NOX4: variants seen among roughly 807,000 people sequenced by gnomAD.
The protein encoded by NOX4 is NADPH oxidase 4, also known as kidney oxidase-1.
A neutral mutation model predicts 87.6 loss-of-function variants in NOX4; 69 were observed. That is an observed-to-expected ratio of 0.79 (90% CI 0.65 to 0.96). The LOEUF is 0.96. Among genes scored for constraint, NOX4 ranks in the 40% least tolerant of loss-of-function variants. The pLI, the probability that NOX4 is intolerant of heterozygous loss-of-function variation, is 0.00. For missense variants in NOX4, 680 were observed against 681.5 expected, an observed-to-expected ratio of 1.00 and a Z score of 0.02; for synonymous variants, 275 against 238.2, an observed-to-expected ratio of 1.15 and a Z score of -1.42.
upstream of NOX4, among the ~76,000 whole-genome samples, chr11:89,496,262 C>T (rs867816872): frequency 3.9e-5 from 6 of 152,086 alleles, no homozygotes; most frequent in Non-Finnish European, 7.4e-5. Context: ...ATTCTGAAGA[C>T]ATTGGAGAGG....
intron 2 of NOX4, among the ~76,000 whole-genome samples, chr11:89,457,763 G>A (rs572969853): frequency 6.6e-6 from 1 of 151,984 alleles, no homozygotes; most frequent in South Asian, 2.1e-4. Context: ...CCCACCAACA[G>A]TGTTCAAGCT....
chr11:89,566,759 G>A, the NOX4 span, among the ~76,000 whole-genome samples: 1 of 152,146 alleles, frequency 6.6e-6, no homozygotes, highest in Admixed American at 6.5e-5. Flanking sequence ...GCTGAAGGGG[G>A]AGGAAGCTGG....
chr11:89,529,504 G>A, the NOX4 span, among the ~76,000 whole-genome samples: 753 of 152,186 alleles, frequency 4.9e-3, 3 homozygotes, highest in African/African-American at 0.01. Context: ...AAATACCTGG[G>A]AACAGATCCT....
chr11:89,457,246 C>G (rs1393861139), intron 2 of NOX4, among the ~76,000 whole-genome samples: 1 of 152,220 alleles, frequency 6.6e-6, no homozygotes, highest in Non-Finnish European at 1.5e-5. Flanking sequence ...GCAAACAGAG[C>G]TAACTGTCCA....
intron 11 of NOX4, among the ~76,000 whole-genome samples, chr11:89,381,316 G>A (rs178435): frequency 3.3e-5 from 5 of 152,016 alleles, no homozygotes; most frequent in Admixed American, 6.5e-5. Flanking sequence ...TCAGGCCTCC[G>A]AGCCCAAGCC....
chr11:89,445,130 G>A (rs978595628), intron 4 of NOX4, among the ~76,000 whole-genome samples: 8 of 152,002 alleles, frequency 5.3e-5, no homozygotes, highest in African/African-American at 1.7e-4. Flanking sequence ...TGCCTTTCAG[G>A]GGCCTTAATT....
rs1346405707 is a variant in NOX4 at position 89,417,474 on chromosome 11, A to G, written c.629+4428T>C. On this transcript the variant is annotated intron_variant, in intron 8 of 17. Coordinates refer to ENST00000263317, the MANE Select transcript of NOX4 (RefSeq NM_016931.5). ...GGTATATTAAAAATCAAAACAAAAA[A>G]TTCCTCAGGAGGAAGGCTTGTTTTG... Among the ~76,000 whole-genome samples, 5 of 152,270 alleles carry G rather than the reference A, an allele frequency of 3.3e-5. No homozygotes were observed. In the East Asian group the frequency reaches 9.7e-4, roughly 29 times the overall value.
At chr11:89,453,439 G>A (rs1179710699) in intron 2 of NOX4, among the ~76,000 whole-genome samples, 1 of 152,146 alleles carries the variant, frequency 6.6e-6, no homozygotes, top group Non-Finnish European at 1.5e-5. Flanking sequence ...CTTAGGAGGA[G>A]GATATATCCA....
chr11:89,582,154 C>T, the NOX4 span, among the ~76,000 whole-genome samples: 1 of 152,046 alleles, frequency 6.6e-6, no homozygotes, highest in Non-Finnish European at 1.5e-5. Flanking sequence ...TTAGAATGTC[C>T]TCTAGATTCA....
At chr11:89,343,785 A>G (rs565985826) in intron 13 of NOX4, among the ~76,000 whole-genome samples, 1 of 152,288 alleles carries the variant, frequency 6.6e-6, no homozygotes, top group Admixed American at 6.5e-5. Flanking sequence ...CATAGTAGAG[A>G]TGAAATCAAC....
chr11:89,464,742 A>C (rs76483944), intron 2 of NOX4, among the ~76,000 whole-genome samples: 3,339 of 152,290 alleles, frequency 0.022, 125 homozygotes, highest in African/African-American at 0.076. Flanking sequence ...GGTATCTAAG[A>C]TACATAATCA....
At chr11:89,543,417 T>C in the NOX4 span, among the ~76,000 whole-genome samples, 1 of 152,120 alleles carries the variant, frequency 6.6e-6, no homozygotes, top group African/African-American at 2.4e-5. Context: ...AACATGTTGA[T>C]TATATTTATC....
At chr11:89,452,872 G>C (rs75357239) in intron 2 of NOX4, among the ~76,000 whole-genome samples, 2 of 151,766 alleles carry the variant, frequency 1.3e-5, no homozygotes, top group African/African-American at 4.8e-5. Context: ...ATGCCATGTG[G>C]TGAGAATATT....
At chr11:89,394,113 T>G (rs888940476) in intron 11 of NOX4, among the ~76,000 whole-genome samples, 2 of 152,124 alleles carry the variant, frequency 1.3e-5, no homozygotes, top group African/African-American at 4.8e-5. Flanking sequence ...CTACTTCTTT[T>G]GTGTTTTCCC....
chr11:89,491,411 C>A (rs971342693), upstream of NOX4: 9 of 619,506 alleles, frequency 1.5e-5, no homozygotes, highest in Admixed American at 3.7e-5. Context: ...CCAGCCCGGG[C>A]GGGGTCTGCT....
the NOX4 span, among the ~76,000 whole-genome samples, chr11:89,562,389 C>T: frequency 6.6e-6 from 1 of 151,930 alleles, no homozygotes; most frequent in Admixed American, 6.6e-5. Flanking sequence ...TTTATCCTCT[C>T]CTCTCCCTTC....
At chr11:89,373,797 T>C (rs1189280922) in intron 11 of NOX4, among the ~76,000 whole-genome samples, 9 of 152,062 alleles carry the variant, frequency 5.9e-5, no homozygotes, top group Non-Finnish European at 1.2e-4. Context: ...TAAGTTAAAA[T>C]ATATATAAGA....
the NOX4 span, among the ~76,000 whole-genome samples, chr11:89,506,079 T>TGCA: frequency 6.6e-6 from 1 of 151,778 alleles, no homozygotes; most frequent in South Asian, 2.1e-4. Flanking sequence ...CCAATGAAAC[T>TGCA]GATTAAAGAC....
At chr11:89,359,552 C>G (rs1249442209) in intron 12 of NOX4, among the ~76,000 whole-genome samples, 1 of 151,730 alleles carries the variant, frequency 6.6e-6, no homozygotes, top group Non-Finnish European at 1.5e-5. Flanking sequence ...ATATAAAAAA[C>G]AAAAGTAACA....
Sources: gnomAD v4.1 joint callset for allele counts (sites outside exome capture counted in the v4.1 genomes callset) on GRCh38, gnomAD v4.1.1 for gene constraint, MANE v1.5 for transcripts, NCBI Gene and HGNC (gene_info 2026-07-23, HGNC 2026-07-21) for gene names.